The following BNC2 variants were observed in gnomAD, a reference collection of about 807,000 sequenced individuals.
BNC2 encodes the protein zinc finger protein basonuclin-2.
A neutral mutation model predicts 76.3 loss-of-function variants in BNC2; 20 were observed. The ratio of observed to expected loss-of-function variants is 0.26; its 90% CI spans 0.18 to 0.38. BNC2 has a LOEUF of 0.38. Ranked by LOEUF, BNC2 falls within the 10% of genes least tolerant of loss-of-function variation. The pLI is 1.00. For synonymous variants in BNC2, 582 were observed against 514.8 expected, an observed-to-expected ratio of 1.13 and a Z score of -1.77; for missense variants, 1,382 against 1,399.8, an observed-to-expected ratio of 0.99 and a Z score of 0.20.
intron 1 of BNC2, among the ~76,000 whole-genome samples, chr9:16,788,585 T>TA (rs1247596310): frequency 9.5e-4 from 144 of 151,388 alleles, no homozygotes; most frequent in Non-Finnish European, 1.7e-3. Flanking sequence ...TCATTCCTTT[T>TA]AAACATGACA....
chr9:16,641,198 A>G (rs1344888064), intron 3 of BNC2, among the ~76,000 whole-genome samples: 1 of 152,228 alleles, frequency 6.6e-6, no homozygotes, highest in African/African-American at 2.4e-5. Flanking sequence ...TCCCTGCACA[A>G]AAGTAATCAC....
chr9:16,756,507 A>T (rs1356244178), intron 1 of BNC2, among the ~76,000 whole-genome samples: 1 of 152,062 alleles, frequency 6.6e-6, no homozygotes, highest in Non-Finnish European at 1.5e-5. Flanking sequence ...ACATTCTTCA[A>T]ATTGCAGCTG....
At chr9:16,797,402 T>C (rs913644329) in intron 1 of BNC2, among the ~76,000 whole-genome samples, 2 of 152,192 alleles carry the variant, frequency 1.3e-5, no homozygotes, top group African/African-American at 4.8e-5. Context: ...AATACATATA[T>C]GCCCCTCCCA....
intron 1 of BNC2, among the ~76,000 whole-genome samples, chr9:16,739,275 G>A (rs1824770309): frequency 6.6e-6 from 1 of 152,174 alleles, no homozygotes; most frequent in Admixed American, 6.5e-5. Flanking sequence ...CTCAACAGCA[G>A]TAACGTCTGA....
intron 5 of BNC2, among the ~76,000 whole-genome samples, chr9:16,451,238 G>T (rs556444127): frequency 2.6e-5 from 4 of 152,228 alleles, no homozygotes; most frequent in African/African-American, 9.6e-5. Context: ...GGTGAAATCG[G>T]TGCTGGTTAC....
chr9:16,582,851 G>T, intron 4 of BNC2, 132 bp downstream of exon 4: 1 of 755,516 alleles, frequency 1.3e-6, no homozygotes, highest in Non-Finnish European at 2.3e-6. Context: ...TTGGAGCACA[G>T]CTGACCTCTC....
At chr9:16,786,308 A>G (rs1011549633) in intron 1 of BNC2, among the ~76,000 whole-genome samples, 2 of 152,124 alleles carry the variant, frequency 1.3e-5, no homozygotes, top group African/African-American at 4.8e-5. Context: ...AAATGTGGAG[A>G]AAGACTGAGC....
chr9:16,676,196 G>A (rs1445082889), intron 3 of BNC2, among the ~76,000 whole-genome samples: 1 of 152,148 alleles, frequency 6.6e-6, no homozygotes, highest in East Asian at 1.9e-4. Flanking sequence ...TTGTGTACAT[G>A]TAGGAGGGAA....
At chr9:16,552,817 AAG>A (rs1473960388) in intron 4 of BNC2, 52 bp from the exon 5 acceptor site, 7 of 1,433,110 alleles carry the variant, frequency 4.9e-6, no homozygotes, top group Non-Finnish European at 6.9e-6. Flanking sequence ...GAATAAGATA[AAG>A]AGAGAGAACA....
At chr9:16,870,332 G>A (rs1252591894) in intron 1 of BNC2, among the ~76,000 whole-genome samples, 1 of 151,938 alleles carries the variant, frequency 6.6e-6, no homozygotes, top group Non-Finnish European at 1.5e-5. Flanking sequence ...GCCTCCCCTA[G>A]CCAGCCGCTC....
intron 5 of BNC2, among the ~76,000 whole-genome samples, chr9:16,479,794 T>C (rs1235081711): frequency 1.3e-5 from 2 of 152,188 alleles, no homozygotes; most frequent in African/African-American, 2.4e-5. Context: ...GCACGTTGGG[T>C]AAAATATTTG....
intron 3 of BNC2, chr9:16,685,615 C>T (rs755991864): frequency 2.0e-5 from 26 of 1,304,296 alleles, no homozygotes; most frequent in Non-Finnish European, 2.6e-5. Context: ...TCTGCCAGTA[C>T]ATGCCAATGG....
intron 1 of BNC2, among the ~76,000 whole-genome samples, chr9:16,788,928 C>G (rs1817423627): frequency 6.6e-6 from 1 of 152,124 alleles, no homozygotes; most frequent in Non-Finnish European, 1.5e-5. Flanking sequence ...AACCAAGCTC[C>G]TCCTTGGCAT....
intron 4 of BNC2, among the ~76,000 whole-genome samples, chr9:16,569,003 G>GTTTTT (rs373012680): frequency 0.018 from 2,407 of 135,664 alleles, 56 homozygotes; most frequent in South Asian, 0.091. Context: ...TGCTTCTAGA[G>GTTTTT]TTTTTTTTTT....
chr9:16,573,886 A>G (rs1467443363), intron 4 of BNC2, among the ~76,000 whole-genome samples: 1 of 152,216 alleles, frequency 6.6e-6, no homozygotes, highest in Non-Finnish European at 1.5e-5. Context: ...CTGGTAAGAA[A>G]TGGGATGTAT....
intron 5 of BNC2, among the ~76,000 whole-genome samples, chr9:16,450,082 A>G (rs1371054380): frequency 6.6e-6 from 1 of 152,188 alleles, no homozygotes; most frequent in African/African-American, 2.4e-5. Flanking sequence ...AATGTAATAA[A>G]GGCCACAGGC....
intron 1 of BNC2, among the ~76,000 whole-genome samples, chr9:16,761,068 C>T (rs1227569918): frequency 7.3e-6 from 1 of 136,712 alleles, no homozygotes; most frequent in Non-Finnish European, 1.7e-5. Context: ...CACAGAGCGG[C>T]CCCGTCTCTA....
chr9:16,482,962 T>C (rs555071857), intron 5 of BNC2, among the ~76,000 whole-genome samples: 3 of 152,312 alleles, frequency 2.0e-5, no homozygotes, highest in African/African-American at 7.2e-5. Flanking sequence ...CATTTAGTCT[T>C]TGCAGGTACA....
At chr9:16,801,775 C>G (rs1817788366) in intron 1 of BNC2, among the ~76,000 whole-genome samples, 1 of 150,886 alleles carries the variant, frequency 6.6e-6, no homozygotes, top group Non-Finnish European at 1.5e-5. Context: ...AAAACTGCCT[C>G]TCAACTGTAA....
Sources: gnomAD v4.1 joint callset for allele counts (sites outside exome capture counted in the v4.1 genomes callset) on GRCh38, gnomAD v4.1.1 for gene constraint, MANE v1.5 for transcripts, NCBI Gene and HGNC (gene_info 2026-07-23, HGNC 2026-07-21) for gene names.